OSBPL1A: variants seen among roughly 807,000 people sequenced by gnomAD.
OSBPL1A encodes the protein oxysterol binding protein like 1A.
Under a neutral mutation model 137.1 loss-of-function variants are expected in OSBPL1A, and 80 were observed. That is an observed-to-expected ratio of 0.58 (90% CI 0.49 to 0.70). The LOEUF (loss-of-function observed/expected upper bound fraction) is 0.70, where lower values mean the gene tolerates loss of function less well. OSBPL1A is among the 30% of genes least tolerant of loss of function. The probability of loss-of-function intolerance (pLI) is 0.00; values close to 1 mark genes in which losing one functional copy is unlikely to be tolerated. For missense variants in OSBPL1A, 970 were observed against 1,129.4 expected, an observed-to-expected ratio of 0.86 and a Z score of 2.02; for synonymous variants, 365 against 389.7, an observed-to-expected ratio of 0.94 and a Z score of 0.75.
intron 14 of OSBPL1A, among the ~76,000 whole-genome samples, chr18:24,283,194 C>T (rs950823687): frequency 4.2e-5 from 6 of 141,992 alleles, no homozygotes; most frequent in African/African-American, 1.3e-4. Context: ...CAACCTGGGA[C>T]GTGGAGGTTG....
At chr18:24,385,224 G>A (rs1369292478) in intron 1 of OSBPL1A, among the ~76,000 whole-genome samples, 1 of 152,028 alleles carries the variant, frequency 6.6e-6, no homozygotes, top group East Asian at 1.9e-4. Flanking sequence ...AAAGTGCTGG[G>A]ATTACAGGCA....
chr18:24,245,395 T>C (rs181983772), intron 15 of OSBPL1A, among the ~76,000 whole-genome samples: 1 of 152,290 alleles, frequency 6.6e-6, no homozygotes, highest in African/African-American at 2.4e-5. Flanking sequence ...TGGCTGATGC[T>C]TATTGCTGTG....
chr18:24,174,407 T>C (rs943130919), intron 21 of OSBPL1A, among the ~76,000 whole-genome samples: 6 of 152,236 alleles, frequency 3.9e-5, no homozygotes, highest in Admixed American at 6.5e-5. Context: ...TGCTCCAAAG[T>C]CTGAAACTTT....
chr18:24,258,970 G>C lies in OSBPL1A; in HGVS notation c.1282-19588C>G, dbSNP rs113592583. ...TTTTTTTAAATTGAGACGGAGTCTCGCTCTGTCGCCAGGCTGGAGTGCAGT... is the reference window on the plus strand; with the variant it reads ...TTTTTTTAAATTGAGACGGAGTCTCCCTCTGTCGCCAGGCTGGAGTGCAGT... On this transcript the variant is annotated intron_variant, in intron 15 of 27. Transcript: ENST00000319481. Among the ~76,000 whole-genome samples, 22 of 130,372 alleles carry C rather than the reference G, an allele frequency of 1.7e-4. No individual in the cohort carries two copies. The South Asian group carries it at 4.3e-3, about 25-fold the overall frequency. 85.5% of individuals were successfully genotyped at this position (130,372 alleles called of 152,430 possible). A position where few individuals can be genotyped will look rare whatever the true frequency, so the allele number is the denominator to read the frequency against.
intron 15 of OSBPL1A, among the ~76,000 whole-genome samples, chr18:24,256,796 A>G (rs2089288140): frequency 6.6e-6 from 1 of 152,114 alleles, no homozygotes; most frequent in South Asian, 2.1e-4. Flanking sequence ...AAAAATCAGT[A>G]GCATTTCTAC....
chr18:24,346,330 T>C (rs2091344773), intron 4 of OSBPL1A, among the ~76,000 whole-genome samples: 1 of 152,234 alleles, frequency 6.6e-6, no homozygotes, highest in Non-Finnish European at 1.5e-5. Flanking sequence ...GTAATTCACA[T>C]ACCATAAACT....
chr18:24,335,745 C>T (rs1188077361), intron 5 of OSBPL1A, among the ~76,000 whole-genome samples: 3 of 152,180 alleles, frequency 2.0e-5, no homozygotes, highest in African/African-American at 4.8e-5. Flanking sequence ...CATTTGTTAA[C>T]AGTAATCACT....
intron 4 of OSBPL1A, among the ~76,000 whole-genome samples, chr18:24,360,923 G>A (rs2091611698): frequency 6.6e-6 from 1 of 152,064 alleles, no homozygotes; most frequent in South Asian, 2.1e-4. Flanking sequence ...GGAATAAATG[G>A]GTAAATAATT....
At chr18:24,377,560 G>A in intron 1 of OSBPL1A, 25 bp from the exon 2 acceptor site, 1 of 1,566,108 alleles carries the variant, frequency 6.4e-7, no homozygotes, top group Non-Finnish European at 8.6e-7. Flanking sequence ...TAATAACATT[G>A]CTATTATTTA....
At chr18:24,220,077 C>G (rs1043562933) in intron 17 of OSBPL1A, among the ~76,000 whole-genome samples, 1 of 152,168 alleles carries the variant, frequency 6.6e-6, no homozygotes, top group Non-Finnish European at 1.5e-5. Flanking sequence ...GGCCTGCTGG[C>G]TTTTAGTCCT....
At chr18:24,274,670 G>T (rs75060648) in intron 15 of OSBPL1A, among the ~76,000 whole-genome samples, 1 of 152,182 alleles carries the variant, frequency 6.6e-6, no homozygotes, top group Non-Finnish European at 1.5e-5. Flanking sequence ...CACTCTGGGA[G>T]GCCAAGGCGA....
At chr18:24,169,033 C>A (rs1297195729) in intron 24 of OSBPL1A, among the ~76,000 whole-genome samples, 1 of 152,168 alleles carries the variant, frequency 6.6e-6, no homozygotes, top group Non-Finnish European at 1.5e-5. Flanking sequence ...GTCCCAGAAT[C>A]CTGGACATGC....
Position 24,199,655 on chromosome 18 carries a change from ATTTAG to A in OSBPL1A, c.1602-3460_1602-3456del, listed in dbSNP as rs1196465507. On this transcript the variant is annotated intron_variant, in intron 17 of 27. Coordinates refer to ENST00000319481, the MANE Select transcript of OSBPL1A (RefSeq NM_080597.4). The stretch of plus-strand genomic sequence containing the variant: ...TTAGACATTACCTCTTTTGTAAAGA[ATTTAG>A]TTTATTCTGTGCTACTCAAGAGAGA... Among the ~76,000 whole-genome samples, 3 of 152,362 alleles carry A rather than the reference ATTTAG, an allele frequency of 2.0e-5. No homozygotes were observed. The East Asian group carries it at 5.8e-4, about 29-fold the overall frequency.
At position 24,233,641 on chromosome 18, in the gene OSBPL1A, TTCTCTCTC is replaced by T. The variant is rs904878076; in HGVS notation, c.1444+5571_1444+5578del. ...TATTTTTCTTTCTTTCTTTCTCTCT[TTCTCTCTC>T]TCTCTCTTTCTTTCTTTCAGACAGA... is the stretch of plus-strand genomic sequence containing the variant. On this transcript the variant is annotated intron_variant, in intron 16 of 27. Transcript: ENST00000319481. Among the ~76,000 whole-genome samples the T allele has an allele frequency of 8.7e-4, 132 of 151,684 alleles. 1 individual carries two copies. Among genetic ancestry groups the T allele is most frequent in the Admixed American group, 1.5e-3 (23 of 15,210 alleles).
At chr18:24,303,596 GT>G in intron 14 of OSBPL1A, 40 bp downstream of exon 14, 1 of 1,485,894 alleles carries the variant, frequency 6.7e-7, no homozygotes. Context: ...CAGTATCTAT[GT>G]GTTAAAGAGT....
chr18:24,201,069 G>A (rs751711308), intron 17 of OSBPL1A, among the ~76,000 whole-genome samples: 8 of 152,106 alleles, frequency 5.3e-5, no homozygotes, highest in Non-Finnish European at 1.0e-4. Context: ...ATTCTCTCTC[G>A]GTGGAGTTTA....
intron 2 of OSBPL1A, among the ~76,000 whole-genome samples, chr18:24,370,274 C>T (rs1905520730): frequency 6.6e-6 from 1 of 152,218 alleles, no homozygotes; most frequent in South Asian, 2.1e-4. Flanking sequence ...TCTCCACTCA[C>T]ATCACAGCTC....
At chr18:24,312,407 T>C (rs2090634847) in intron 12 of OSBPL1A, among the ~76,000 whole-genome samples, 7 of 152,198 alleles carry the variant, frequency 4.6e-5, no homozygotes, top group Admixed American at 4.6e-4. Flanking sequence ...CACTTAAAAT[T>C]ATAGGTTCTC....
chr18:24,366,175 A>G (rs545202564), intron 4 of OSBPL1A, among the ~76,000 whole-genome samples: 5 of 152,292 alleles, frequency 3.3e-5, no homozygotes, highest in African/African-American at 1.2e-4. Context: ...TACAAAGGAT[A>G]CAGATGAAGA....
Sources: gnomAD v4.1 joint callset for allele counts (sites outside exome capture counted in the v4.1 genomes callset) on GRCh38, gnomAD v4.1.1 for gene constraint, MANE v1.5 for transcripts, NCBI Gene and HGNC (gene_info 2026-07-23, HGNC 2026-07-21) for gene names.